The following MED13L variants were observed in gnomAD, a reference collection of about 807,000 sequenced individuals.
MED13L encodes the protein mediator complex subunit 13L.
A neutral mutation model predicts 220.9 loss-of-function variants in MED13L; 7 were observed. The observed-to-expected ratio is 0.03, with a 90% confidence interval of 0.02 to 0.06. The LOEUF is 0.06. Ranked by LOEUF, MED13L falls within the 10% of genes least tolerant of loss-of-function variation. MED13L has a pLI of 1.00. For missense variants in MED13L, 1,965 were observed against 2,760.5 expected, an observed-to-expected ratio of 0.71 and a Z score of 6.46; for synonymous variants, 1,011 against 1,015.2, an observed-to-expected ratio of 1.00 and a Z score of 0.08.
intron 4 of MED13L, among the ~76,000 whole-genome samples, chr12:116,055,427 T>C (rs1868870252): frequency 6.6e-6 from 1 of 152,220 alleles, no homozygotes; most frequent in South Asian, 2.1e-4. Flanking sequence ...AAACTTTCGA[T>C]CCCTACTTTC....
At chr12:116,037,029 C>A (rs1484931849) in intron 4 of MED13L, among the ~76,000 whole-genome samples, 1 of 152,076 alleles carries the variant, frequency 6.6e-6, no homozygotes, top group South Asian at 2.1e-4. Flanking sequence ...AAGTTAATTG[C>A]ACATAATTTT....
chr12:116,207,321 T>C (rs1290851635), intron 2 of MED13L, among the ~76,000 whole-genome samples: 1 of 152,104 alleles, frequency 6.6e-6, no homozygotes, highest in Non-Finnish European at 1.5e-5. Flanking sequence ...TTAGGTATGT[T>C]CGGAAACACA....
chr12:116,152,268 A>G (rs963067494), intron 2 of MED13L, among the ~76,000 whole-genome samples: 4 of 152,238 alleles, frequency 2.6e-5, no homozygotes, highest in African/African-American at 9.6e-5. Flanking sequence ...TATTTTCAGC[A>G]TAATTTTATT....
At chr12:116,107,730 T>C (rs941880715) in intron 3 of MED13L, among the ~76,000 whole-genome samples, 4 of 152,118 alleles carry the variant, frequency 2.6e-5, no homozygotes, top group African/African-American at 7.2e-5. Flanking sequence ...ATGCAAACTA[T>C]GGAAAAAATG....
At chr12:116,015,828 T>C (rs1409202127) in intron 7 of MED13L, among the ~76,000 whole-genome samples, 3 of 152,196 alleles carry the variant, frequency 2.0e-5, no homozygotes, top group South Asian at 2.1e-4. Flanking sequence ...GTGGTACTGT[T>C]TGTCCTTATG....
At chr12:116,276,421 T>C in intron 1 of MED13L, 2 of 1,288,034 alleles carry the variant, frequency 1.6e-6, no homozygotes, top group Non-Finnish European at 2.0e-6. Flanking sequence ...AAGAAAAAGC[T>C]TTCTCCACCT....
At chr12:116,197,726 T>C (rs146523168) in intron 2 of MED13L, among the ~76,000 whole-genome samples, 58 of 151,422 alleles carry the variant, frequency 3.8e-4, no homozygotes, top group Non-Finnish European at 5.4e-4. Context: ...GATTGTGCCA[T>C]TGCACTCCAG....
chr12:115,963,439 A>C lies in MED13L; in HGVS notation c.6468T>G (p.Pro2156=), dbSNP rs1875909456. Residue 2156 remains proline, a synonymous_variant, in exon 30 of 31, where the codon CCT becomes CCG. Coordinates refer to ENST00000281928, the MANE Select transcript of MED13L (RefSeq NM_015335.5). The part of the protein sequence containing the change: ...PARNSQRVPH[P]LDSKTTSDVL... The stretch of plus-strand genomic sequence containing the variant: ...CATCCGACGTGGTTTTGGAGTCAAG[A>C]GGGTGTGGAACCCGCTGAGAATTCC... 6.2e-7 allele frequency: 1 copy of C among 1,614,152 alleles called. No individual in the cohort carries two copies. The highest frequency in any genetic ancestry group is 8.5e-7 in the Non-Finnish European group (1 of 1,179,952).
At chr12:116,004,080 G>C (rs1336150835) in intron 13 of MED13L, among the ~76,000 whole-genome samples, 1 of 152,144 alleles carries the variant, frequency 6.6e-6, no homozygotes, top group Non-Finnish European at 1.5e-5. Flanking sequence ...TTTATACAAA[G>C]AATAAGTTCA....
intron 4 of MED13L, among the ~76,000 whole-genome samples, chr12:116,031,552 A>C (rs889505362): frequency 1.1e-4 from 15 of 136,856 alleles, no homozygotes; most frequent in Non-Finnish European, 1.8e-4. Context: ...AGATTGGGCC[A>C]CTGCACTCCA....
At chr12:115,994,672 G>A (rs576497731) in intron 16 of MED13L, among the ~76,000 whole-genome samples, 30 of 152,166 alleles carry the variant, frequency 2.0e-4, no homozygotes, top group Non-Finnish European at 2.4e-4. Context: ...TTAAACTGCT[G>A]AATGGGTTCT....
intron 1 of MED13L, among the ~76,000 whole-genome samples, chr12:116,271,040 CAAAAAAAAAAA>C (rs58162276): frequency 4.3e-4 from 13 of 30,094 alleles, no homozygotes; most frequent in Admixed American, 9.5e-4. Context: ...GACTCCGTCT[CAAAAAAAAAAA>C]AAAAAAAAAA....
intron 1 of MED13L, among the ~76,000 whole-genome samples, chr12:116,273,909 T>C (rs1230681847): frequency 2.0e-5 from 3 of 152,202 alleles, no homozygotes. Flanking sequence ...TCACATACCA[T>C]AGGGTGCACT....
At chr12:116,025,083 G>C (rs1880306966) in intron 4 of MED13L, among the ~76,000 whole-genome samples, 1 of 151,956 alleles carries the variant, frequency 6.6e-6, no homozygotes, top group Non-Finnish European at 1.5e-5. Flanking sequence ...CCACTGCTTT[G>C]TTCTGAAAAT....
At chr12:116,127,515 TCTAA>T (rs1349293396) in intron 2 of MED13L, among the ~76,000 whole-genome samples, 3 of 152,294 alleles carry the variant, frequency 2.0e-5, no homozygotes, top group Admixed American at 6.5e-5. Context: ...CAGTTACTAC[TCTAA>T]CTAAAATATA....
intron 2 of MED13L, among the ~76,000 whole-genome samples, chr12:116,152,630 G>A (rs1184007543): frequency 6.6e-6 from 1 of 152,058 alleles, no homozygotes; most frequent in Non-Finnish European, 1.5e-5. Flanking sequence ...CAATGGCGTG[G>A]GGGGGAAAGC....
At chr12:116,035,981 TGCTTCCTTCACAGG>T (rs1216261316) in intron 4 of MED13L, among the ~76,000 whole-genome samples, 1 of 152,214 alleles carries the variant, frequency 6.6e-6, no homozygotes, top group Non-Finnish European at 1.5e-5. Flanking sequence ...TTGCCCAATT[TGCTTCCTTCACAGG>T]GCTTGTCATA....
At chr12:116,100,981 T>A (rs887054831) in intron 3 of MED13L, among the ~76,000 whole-genome samples, 4 of 152,184 alleles carry the variant, frequency 2.6e-5, no homozygotes, top group Non-Finnish European at 5.9e-5. Context: ...AAAAAATGTG[T>A]GGAAGAGCAA....
chr12:116,080,387 A>G (rs372557263), intron 4 of MED13L, among the ~76,000 whole-genome samples: 7 of 152,230 alleles, frequency 4.6e-5, no homozygotes, highest in African/African-American at 1.7e-4. Flanking sequence ...AAAGTTTGAA[A>G]TAAGGTGAAA....
Sources: gnomAD v4.1 joint callset for allele counts (sites outside exome capture counted in the v4.1 genomes callset) on GRCh38, gnomAD v4.1.1 for gene constraint, MANE v1.5 for transcripts, NCBI Gene and HGNC (gene_info 2026-07-23, HGNC 2026-07-21) for gene names.